The following LHPP variants were observed in gnomAD, a reference collection of about 807,000 sequenced individuals.
The protein encoded by LHPP is phospholysine phosphohistidine inorganic pyrophosphate phosphatase.
A neutral mutation model predicts 30.3 loss-of-function variants in LHPP; 24 were observed. The ratio of observed to expected loss-of-function variants is 0.79; its 90% CI spans 0.57 to 1.11. LHPP has a LOEUF of 1.11. LHPP is among the 50% of genes most tolerant of loss of function. The probability of loss-of-function intolerance (pLI) is 0.00; values close to 1 mark genes in which losing one functional copy is unlikely to be tolerated. For missense variants in LHPP, 356 were observed against 367.2 expected (o/e 0.97, Z 0.25); for synonymous variants, 150 against 157.1 (o/e 0.95, Z 0.34).
intron 6 of LHPP, among the ~76,000 whole-genome samples, chr10:124,555,993 C>T (rs1948292210): frequency 6.6e-6 from 1 of 152,084 alleles, no homozygotes; most frequent in Non-Finnish European, 1.5e-5. Flanking sequence ...ACCCCAGTGC[C>T]CACTATTTAT....
intron 6 of LHPP, among the ~76,000 whole-genome samples, chr10:124,573,589 G>T (rs147370926): frequency 0.014 from 2,090 of 152,322 alleles, 27 homozygotes; most frequent in Non-Finnish European, 0.023. Flanking sequence ...GGGATTACAG[G>T]CATGAACCAC....
At chr10:124,565,323 G>A (rs1235665398) in intron 6 of LHPP, among the ~76,000 whole-genome samples, 1 of 152,122 alleles carries the variant, frequency 6.6e-6, no homozygotes, top group Non-Finnish European at 1.5e-5. Context: ...AGGAAGAGCT[G>A]GTCTCCTTTG....
At chr10:124,499,745 G>T (rs907878206) in intron 5 of LHPP, among the ~76,000 whole-genome samples, 1 of 151,956 alleles carries the variant, frequency 6.6e-6, no homozygotes, top group Admixed American at 6.5e-5. Flanking sequence ...TGGGTTGGGG[G>T]TCCCTCAGGT....
intron 5 of LHPP, among the ~76,000 whole-genome samples, chr10:124,506,152 C>T (rs966475818): frequency 5.3e-5 from 8 of 152,004 alleles, no homozygotes; most frequent in African/African-American, 9.7e-5. Context: ...AGGAAGCTGA[C>T]GCACGAGATT....
chr10:124,490,200 C>T (rs948584617), intron 3 of LHPP: 3 of 183,252 alleles, frequency 1.6e-5, no homozygotes, highest in Non-Finnish European at 3.4e-5. Flanking sequence ...CTCTCCCTGT[C>T]TGTGGGTGTC....
At chr10:124,579,086 C>T (rs1481124354) in intron 6 of LHPP, among the ~76,000 whole-genome samples, 10 of 152,220 alleles carry the variant, frequency 6.6e-5, no homozygotes, top group South Asian at 4.1e-4. Context: ...CAGGTCTTCC[C>T]GGTTACCAGC....
At chr10:124,481,375 T>TCCCCC (rs1564776153) in intron 1 of LHPP, among the ~76,000 whole-genome samples, 2 of 74,888 alleles carry the variant, frequency 2.7e-5, no homozygotes, top group African/African-American at 1.1e-4. Context: ...TCTGCCCCCT[T>TCCCCC]TTTTTTTTTT....
intron 3 of LHPP, among the ~76,000 whole-genome samples, chr10:124,489,200 AAAG>A (rs1200748842): frequency 6.6e-6 from 1 of 152,236 alleles, no homozygotes; most frequent in African/African-American, 2.4e-5. Context: ...CAGATGAGCA[AAAG>A]AAGAAACCAG....
At chr10:124,572,833 C>T (rs1365490295) in intron 6 of LHPP, among the ~76,000 whole-genome samples, 5 of 152,202 alleles carry the variant, frequency 3.3e-5, no homozygotes, top group African/African-American at 1.2e-4. Context: ...CAGAGGTCAT[C>T]GCTGCTGCTC....
At chr10:124,553,889 C>G (rs1231736096) in intron 6 of LHPP, 1 of 985,356 alleles carries the variant, frequency 1.0e-6, no homozygotes, top group Non-Finnish European at 1.2e-6. Context: ...ATCTGTCTTA[C>G]CACAGGCTAA....
intron 1 of LHPP, among the ~76,000 whole-genome samples, chr10:124,463,820 CTTTTTTTTTTTT>C (rs35122241): frequency 8.3e-6 from 1 of 120,778 alleles, no homozygotes; most frequent in Non-Finnish European, 1.7e-5. Context: ...ATTTTTTTTT[CTTTTTTTTTTTT>C]TTTTTTTGAG....
intron 1 of LHPP, among the ~76,000 whole-genome samples, chr10:124,466,868 A>G (rs1315727004): frequency 6.6e-6 from 1 of 152,012 alleles, no homozygotes; most frequent in African/African-American, 2.4e-5. Context: ...GTCTGGGCAC[A>G]GTGGCTCATA....
At chr10:124,472,034 G>T (rs1165344346) in intron 1 of LHPP, among the ~76,000 whole-genome samples, 1 of 152,062 alleles carries the variant, frequency 6.6e-6, no homozygotes, top group Non-Finnish European at 1.5e-5. Context: ...ATGTTGGGCT[G>T]GGTGCAGTGG....
intron 6 of LHPP, among the ~76,000 whole-genome samples, chr10:124,542,306 T>C (rs953442979): frequency 6.6e-6 from 1 of 152,198 alleles, no homozygotes; most frequent in Non-Finnish European, 1.5e-5. Context: ...ACCTTGAAGT[T>C]ATCCAGCACT....
chr10:124,610,758 A>C (rs376332675), intron 6 of LHPP, among the ~76,000 whole-genome samples: 2 of 53,102 alleles, frequency 3.8e-5, no homozygotes, highest in Admixed American at 1.8e-4. Context: ...GGAGCGGGTG[A>C]GGGTGCGGGT....
At chr10:124,515,933 C>T (rs993430203) in intron 5 of LHPP, among the ~76,000 whole-genome samples, 1 of 152,222 alleles carries the variant, frequency 6.6e-6, no homozygotes, top group African/African-American at 2.4e-5. Flanking sequence ...GGGGACCCTC[C>T]ACGATCTCCA....
chr10:124,521,264 G>A (rs921517116), intron 6 of LHPP, among the ~76,000 whole-genome samples: 2 of 152,362 alleles, frequency 1.3e-5, no homozygotes, highest in Non-Finnish European at 2.9e-5. Context: ...GGCACCTGCC[G>A]CTGGGCCGGC....
rs372049618 is a variant in LHPP at position 124,495,948 on chromosome 10, G to A, written c.468-1013G>A. On this transcript the variant is annotated intron_variant, in intron 3 of 6. Coordinates refer to ENST00000368842, the MANE Select transcript of LHPP (RefSeq NM_022126.4). ...GGCGTAAGCAACCCAAAGTCACACC[G>A]TTAGAAGGCAGTGAGATCTGAATGC... is the stretch of plus-strand genomic sequence containing the variant. Among the ~76,000 whole-genome samples the A allele has an allele frequency of 5.3e-5, 8 of 152,290 alleles. No homozygotes were observed. The East Asian group carries it at 5.8e-4, about 11-fold the overall frequency.
At chr10:124,474,132 CT>C (rs544464876) in intron 1 of LHPP, among the ~76,000 whole-genome samples, 2,374 of 71,940 alleles carry the variant, frequency 0.033, 18 homozygotes, top group East Asian at 0.085. Flanking sequence ...TTGCTTTGCC[CT>C]TTTTTTTTTT....
Sources: allele counts gnomAD v4.1 joint callset (sites outside exome capture counted in the v4.1 genomes callset), GRCh38; gene constraint gnomAD v4.1.1; transcripts MANE v1.5; gene names NCBI Gene and HGNC (gene_info 2026-07-23, HGNC 2026-07-21).